GALNT13: variants seen among roughly 807,000 people sequenced by gnomAD.
The protein encoded by GALNT13 is UDP-GalNAc:polypeptide N-acetylgalactosaminyltransferase 13.
In GALNT13, 28 loss-of-function variants were observed where a neutral mutation model predicts 64.2. The observed-to-expected ratio is 0.44, with a 90% CI of 0.32 to 0.60. The LOEUF is 0.60. Among genes scored for constraint, GALNT13 ranks in the 20% least tolerant of loss-of-function variants. The probability of loss-of-function intolerance (pLI) is 0.05; values close to 1 mark genes in which losing one functional copy is unlikely to be tolerated. For missense variants in GALNT13, 577 were observed against 669.8 expected (o/e 0.86, Z 1.53); for synonymous variants, 214 against 224.6 (o/e 0.95, Z 0.42).
chr2:153,630,575 C>G, the GALNT13 span, among the ~76,000 whole-genome samples: 4 of 145,776 alleles, frequency 2.7e-5, no homozygotes, highest in African/African-American at 5.1e-5. Flanking sequence ...GTGCAGCACA[C>G]CAACATGGCA....
At chr2:153,773,113 G>T in the GALNT13 span, among the ~76,000 whole-genome samples, 1 of 152,212 alleles carries the variant, frequency 6.6e-6, no homozygotes, top group African/African-American at 2.4e-5. Context: ...ATCTCACTGG[G>T]TCTGGCCTGG....
At chr2:153,380,667 A>G in the GALNT13 span, among the ~76,000 whole-genome samples, 219 of 152,216 alleles carry the variant, frequency 1.4e-3, 5 homozygotes, top group East Asian at 0.029. Context: ...GTGTAAAAGT[A>G]TATTATGACC....
At chr2:153,646,732 C>T in the GALNT13 span, among the ~76,000 whole-genome samples, 11 of 151,892 alleles carry the variant, frequency 7.2e-5, no homozygotes, top group African/African-American at 2.2e-4. Flanking sequence ...TTCGTCCTTG[C>T]GATAGTTTGC....
the GALNT13 span, among the ~76,000 whole-genome samples, chr2:153,358,734 T>C: frequency 2.0e-5 from 3 of 152,180 alleles, no homozygotes; most frequent in African/African-American, 4.8e-5. Flanking sequence ...GACATATCCA[T>C]GTGCCAGTAA....
At chr2:153,401,887 C>G in the GALNT13 span, among the ~76,000 whole-genome samples, 4 of 152,118 alleles carry the variant, frequency 2.6e-5, no homozygotes, top group Admixed American at 6.5e-5. Flanking sequence ...ATCCAATTTG[C>G]CAGTCTGTGT....
At chr2:153,352,581 T>G in the GALNT13 span, among the ~76,000 whole-genome samples, 1 of 152,130 alleles carries the variant, frequency 6.6e-6, no homozygotes, top group Non-Finnish European at 1.5e-5. Context: ...AGGAGTTTGA[T>G]AGTTTTTCAT....
At chr2:153,575,457 T>C in the GALNT13 span, among the ~76,000 whole-genome samples, 1 of 152,246 alleles carries the variant, frequency 6.6e-6, no homozygotes, top group African/African-American at 2.4e-5. Flanking sequence ...CTCTTCAAGG[T>C]GGTGAGTACC....
chr2:153,598,390 C>T, the GALNT13 span, among the ~76,000 whole-genome samples: 431 of 152,172 alleles, frequency 2.8e-3, 9 homozygotes, highest in Admixed American at 0.023. Flanking sequence ...CTTTGCATGG[C>T]TCTGTCTCTC....
At chr2:153,881,319 T>A (rs1231816768) in intron 1 of GALNT13, among the ~76,000 whole-genome samples, 1 of 152,242 alleles carries the variant, frequency 6.6e-6, no homozygotes, top group Non-Finnish European at 1.5e-5. Context: ...TCAAAAATCA[T>A]TGTGATATTG....
chr2:153,201,973 CTTTTTTT>C, the GALNT13 span, among the ~76,000 whole-genome samples: 29 of 108,896 alleles, frequency 2.7e-4, no homozygotes, highest in African/African-American at 1.0e-3. Context: ...CCACCCATTT[CTTTTTTT>C]TTTTTTTTTT....
At chr2:153,240,681 G>A in the GALNT13 span, among the ~76,000 whole-genome samples, 8 of 152,134 alleles carry the variant, frequency 5.3e-5, no homozygotes, top group Non-Finnish European at 1.0e-4. Context: ...CGAGGTTTAT[G>A]TAACTGCAGC....
chr2:154,377,838 G>T (rs1698072715), intron 9 of GALNT13, among the ~76,000 whole-genome samples: 1 of 152,088 alleles, frequency 6.6e-6, no homozygotes, highest in South Asian at 2.1e-4. Flanking sequence ...TCATGAACAG[G>T]AACTGGGTGA....
intron 10 of GALNT13, among the ~76,000 whole-genome samples, chr2:154,402,832 A>G (rs537028358): frequency 6.6e-6 from 1 of 152,184 alleles, no homozygotes; most frequent in Non-Finnish European, 1.5e-5. Context: ...TTGTGAGTAT[A>G]TATTTGAGGT....
At chr2:153,429,931 G>A in the GALNT13 span, among the ~76,000 whole-genome samples, 12 of 151,984 alleles carry the variant, frequency 7.9e-5, no homozygotes, top group Non-Finnish European at 1.6e-4. Flanking sequence ...AATGTAAATT[G>A]TATCCTCACC....
the GALNT13 span, among the ~76,000 whole-genome samples, chr2:153,518,522 G>A: frequency 6.6e-6 from 1 of 152,142 alleles, no homozygotes; most frequent in Non-Finnish European, 1.5e-5. Flanking sequence ...CTTGAATCAT[G>A]TCTGTTACTG....
intron 3 of GALNT13, among the ~76,000 whole-genome samples, chr2:154,021,750 T>C (rs1024091493): frequency 4.0e-5 from 6 of 151,206 alleles, no homozygotes; most frequent in South Asian, 2.1e-4. Flanking sequence ...TGAATAGGAG[T>C]GGTGAGAGAG....
the GALNT13 span, among the ~76,000 whole-genome samples, chr2:153,779,898 T>A: frequency 6.6e-6 from 1 of 152,150 alleles, no homozygotes; most frequent in African/African-American, 2.4e-5. Context: ...TCAAGAACTG[T>A]TTACATTTTC....
chr2:154,271,642 G>T (rs1691359845), intron 8 of GALNT13, among the ~76,000 whole-genome samples: 1 of 151,776 alleles, frequency 6.6e-6, no homozygotes. Flanking sequence ...TGTTTCTCTG[G>T]AGAATTGTAA....
At chr2:154,166,235 T>C (rs1685015005) in intron 4 of GALNT13, among the ~76,000 whole-genome samples, 1 of 152,102 alleles carries the variant, frequency 6.6e-6, no homozygotes, top group Non-Finnish European at 1.5e-5. Flanking sequence ...TGAAACCCCA[T>C]CTCTACTAAA....
Sources: allele counts gnomAD v4.1 joint callset (sites outside exome capture counted in the v4.1 genomes callset), GRCh38; gene constraint gnomAD v4.1.1; transcripts MANE v1.5; gene names NCBI Gene and HGNC (gene_info 2026-07-23, HGNC 2026-07-21).